ZSCAN32: variants seen among roughly 807,000 people sequenced by gnomAD.
The protein encoded by ZSCAN32 is zinc finger and SCAN domain-containing protein 32.
A neutral mutation model predicts 47.4 loss-of-function variants in ZSCAN32; 52 were observed. The observed-to-expected ratio is 1.10, with a 90% CI of 0.88 to 1.38. The LOEUF is 1.38. Among genes scored for constraint, ZSCAN32 ranks in the 40% most tolerant of loss-of-function variants. ZSCAN32 has a pLI of 0.00. For missense variants in ZSCAN32, 959 were observed against 846.0 expected, an observed-to-expected ratio of 1.13 and a Z score of -1.66; for synonymous variants, 346 against 305.7, an observed-to-expected ratio of 1.13 and a Z score of -1.38.
rs2033100507 is a variant in ZSCAN32, at chr16:3,393,792, A to C, written c.389T>G (p.Leu130Trp). 3.9e-6 allele frequency: 6 copies of C among 1,549,406 alleles called. No individual in the cohort carries two copies. In the South Asian group the frequency reaches 7.1e-5, roughly 18 times the overall value. ...GGCCATCTCCTTCATGAGTACTTTC[A>C]AGTCCTTCTCAGAATCTAGAACCTG... The part of the protein sequence containing the change: ...GQQVLDSEKD[L>W]KVLMKEMAPL... The change falls in exon 3 of 7, where the codon TTG (leucine) becomes TGG (tryptophan). Residue 130 changes from leucine to tryptophan, a missense_variant. By Grantham distance (61) the Leu-to-Trp change is moderately conservative (BLOSUM62 -2). Transcript: ENST00000396852.
rs1233990986 is a variant in ZSCAN32, at chr16:3,397,683, G to A, written c.-126C>T. 1 of 1,270,944 alleles carries A rather than the reference G, an allele frequency of 7.9e-7. No individual in the cohort carries two copies. Among genetic ancestry groups the A allele is most frequent in the Non-Finnish European group, 1.1e-6 (1 of 948,696 alleles). 78.7% of individuals were successfully genotyped at this position (1,270,944 alleles called of 1,614,324 possible). A position where few individuals can be genotyped will look rare whatever the true frequency, so the allele number is the denominator to read the frequency against. On this transcript the variant is annotated 5_prime_UTR_variant, in exon 2 of 7. Coordinates refer to ENST00000396852, the MANE Select transcript of ZSCAN32 (RefSeq NM_001284527.2). ...TGTCTTTCTGTAATCCGTGGGACAT[G>A]AGAGTGTCAGACATGTGTAGAGACT...
chr16:3,385,051 G>A, intron 5 of ZSCAN32, 110 bp from the exon 6 acceptor site: 1 of 1,329,888 alleles, frequency 7.5e-7, no homozygotes, highest in African/African-American at 1.5e-5. Context: ...TAGGCTGGAT[G>A]CGGTGGCTCA....
At chr16:3,390,157 C>G (rs1208981016) in intron 4 of ZSCAN32, 24 bp from the exon 5 acceptor site, 1 of 1,584,098 alleles carries the variant, frequency 6.3e-7, no homozygotes, top group Non-Finnish European at 8.6e-7. Context: ...GGAGCTGCTG[C>G]TACCGATAAA....
intron 3 of ZSCAN32, among the ~76,000 whole-genome samples, chr16:3,392,195 G>A (rs111875934): frequency 3.3e-5 from 5 of 152,272 alleles, no homozygotes; most frequent in African/African-American, 9.6e-5. Flanking sequence ...GTAAATCCAT[G>A]GAAACAGAAT....
In ZSCAN32 at chr16:3,382,611, T is replaced by G. The variant is rs2031350115; in HGVS notation, c.*241A>C. The G allele has an allele frequency of 7.4e-6, 3 of 405,990 alleles. No homozygotes were observed. The Admixed American group carries it at 1.3e-4, about 17-fold the overall frequency. The allele number at this position is 405,990 out of a possible 1,614,324, so 25.1% of individuals were successfully genotyped here. On this transcript the variant is annotated 3_prime_UTR_variant, in exon 7 of 7. Coordinates refer to ENST00000396852, the MANE Select transcript of ZSCAN32 (RefSeq NM_001284527.2). ...GACCCTGGTTTCCTGGTAGAATTTA[T>G]GGATCCTACAGCTTTCTCTCCATCA... is the stretch of plus-strand genomic sequence containing the variant.
rs2033097596 is a variant in ZSCAN32, at chr16:3,393,773, C to G, written c.408G>C (p.Glu136Asp). 2 of 1,550,096 alleles carry G rather than the reference C, an allele frequency of 1.3e-6. No individual in the cohort carries two copies. The highest frequency in any genetic ancestry group is 1.4e-5 in the African/African-American group (1 of 73,030). Residue 136 changes from glutamate (E) to aspartate (D), a missense_variant, in exon 3 of 7, where the codon GAG becomes GAC. By Grantham distance (45) the Glu-to-Asp change is conservative. Coordinates refer to ENST00000396852, the MANE Select transcript of ZSCAN32 (RefSeq NM_001284527.2). ...SEKDLKVLMK[E>D]MAPLGATRES... ...CTCTGGTTGCTCCCAAAGGGGCCAT[C>G]TCCTTCATGAGTACTTTCAAGTCCT...
At position 3,382,813 on chromosome 16, in the gene ZSCAN32, C is replaced by G. The variant is rs2031373195; in HGVS notation, c.*39G>C. The G allele has an allele frequency of 1.3e-6, 2 of 1,528,912 alleles. No homozygotes were observed. The highest frequency in any genetic ancestry group is 8.8e-7 in the Non-Finnish European group (1 of 1,137,406). 94.7% of individuals were successfully genotyped at this position (1,528,912 alleles called of 1,614,324 possible). A position where few individuals can be genotyped will look rare whatever the true frequency, so the allele number is the denominator to read the frequency against. On this transcript the variant is annotated 3_prime_UTR_variant, in exon 7 of 7. Transcript: ENST00000396852. Reference sequence around the variant, plus strand: ...CACAGCAGAAGAAAGCTCATACATGCTGACCTGAGGAACTTAATCTGACAG... The same window carrying G: ...CACAGCAGAAGAAAGCTCATACATGGTGACCTGAGGAACTTAATCTGACAG...
Position 3,390,028 on chromosome 16 carries a change from C to A in ZSCAN32, c.733G>T (p.Asp245Tyr), listed in dbSNP as rs748615093. The A allele has an allele frequency of 3.7e-6, 6 of 1,613,038 alleles. No individual in the cohort carries two copies. In the African/African-American group the frequency reaches 4.0e-5, roughly 11 times the overall value. ...TCCTTACCCAGCGAGACGTGACTGT[C>A]CTTCCTCTGGGTGGCACCCCTGTAG... ...ALYRGATQRKDSHVSLATGVP... is the reference protein window; with the variant it reads ...ALYRGATQRKYSHVSLATGVP... Residue 245 changes from aspartate to tyrosine, a missense_variant, in exon 5 of 7, where the codon GAC becomes TAC. Transcript: ENST00000396852.
intron 1 of ZSCAN32, among the ~76,000 whole-genome samples, chr16:3,399,036 C>T (rs1306477588): frequency 2.0e-5 from 3 of 152,116 alleles, no homozygotes; most frequent in Admixed American, 2.0e-4. Flanking sequence ...TCCTGGCTAA[C>T]AAGATGAAAC....
intron 3 of ZSCAN32, among the ~76,000 whole-genome samples, chr16:3,392,671 CA>C (rs2032857077): frequency 6.6e-6 from 1 of 151,822 alleles, no homozygotes; most frequent in Non-Finnish European, 1.5e-5. Context: ...ACTAAAAATT[CA>C]AAAAATTAGC....
At chr16:3,398,905 A>G (rs1179887209) in intron 1 of ZSCAN32, among the ~76,000 whole-genome samples, 5 of 152,204 alleles carry the variant, frequency 3.3e-5, no homozygotes, top group Non-Finnish European at 1.5e-5. Context: ...CACTTCTAGT[A>G]GCAGCATCTT....
chr16:3,392,226 G>A (rs1335196263), intron 3 of ZSCAN32, among the ~76,000 whole-genome samples: 6 of 152,176 alleles, frequency 3.9e-5, no homozygotes, highest in Admixed American at 6.5e-5. Flanking sequence ...TGTTTAATGG[G>A]TACAGGGTTT....
chr16:3,383,757 G>C, intron 6 of ZSCAN32, 46 bp from the exon 7 acceptor site: 1 of 1,521,194 alleles, frequency 6.6e-7, no homozygotes, highest in Non-Finnish European at 8.7e-7. Flanking sequence ...TATAGAGAAG[G>C]AAAACAATGG....
chr16:3,397,221 C>T lies in ZSCAN32; in HGVS notation c.337G>A (p.Glu113Lys), dbSNP rs1191992817. 1 of 1,554,142 alleles carries T rather than the reference C, an allele frequency of 6.4e-7. No homozygotes were observed. The highest frequency in any genetic ancestry group is 8.7e-7 in the Non-Finnish European group (1 of 1,149,084). The change falls in exon 2 of 7, where the codon GAG becomes AAG. Residue 113 changes from glutamate (E) to lysine (K), a missense_variant. Glu to Lys is a moderately conservative substitution (Grantham distance 56, BLOSUM62 1). Transcript: ENST00000396852. The stretch of plus-strand genomic sequence containing the variant: ...TGTCCAGGAGCTCTCTGTACATCCT[C>T]AACCAGAGCCACAGCTTCCTCGCCG... ...ENGEEAVALV[E>K]DVQRAPGQQV...
At position 3,384,818 on chromosome 16, in the gene ZSCAN32, TC is replaced by T; in HGVS notation, c.874del (p.Glu292LysfsTer24). ...CAGAAAACCCTGCTCCCAGAGTCCT[TC>T]CGCCATGGCCCTGTAGATCTGGCTG... is the stretch of plus-strand genomic sequence containing the variant. ...QNSQIYRAMA[E>X]GLWEQGFLRT... On this transcript the variant is annotated frameshift_variant, in exon 6 of 7. Coordinates refer to ENST00000396852, the MANE Select transcript of ZSCAN32 (RefSeq NM_001284527.2). LOFTEE classifies it high-confidence loss of function. The T allele has an allele frequency of 6.2e-7, 1 of 1,614,178 alleles. No homozygotes were observed. Among genetic ancestry groups the T allele is most frequent in the Non-Finnish European group, 8.5e-7 (1 of 1,180,008 alleles).
Position 3,383,932 on chromosome 16 carries a change from CTT to C in ZSCAN32, c.1235-223_1235-222del, listed in dbSNP as rs1596442503. The stretch of plus-strand genomic sequence containing the variant: ...CCCTAAACTCCAACTTTTCTCCTAT[CTT>C]TTTTCGGATGTTCTGACACAATGAC... On this transcript the variant is annotated intron_variant, in intron 6 of 6. Coordinates refer to ENST00000396852, the MANE Select transcript of ZSCAN32 (RefSeq NM_001284527.2). 11 of 552,272 alleles carry C rather than the reference CTT, an allele frequency of 2.0e-5. No individual in the cohort carries two copies. In the South Asian group the frequency reaches 3.0e-4, roughly 15 times the overall value. The allele number at this position is 552,272 out of a possible 1,614,324, so 34.2% of individuals were successfully genotyped here.
Position 3,390,023 on chromosome 16 carries a change from A to C in ZSCAN32, c.738T>G (p.Ser246Arg). The C allele has an allele frequency of 1.2e-6, 2 of 1,612,768 alleles. No homozygotes were observed. The highest frequency in any genetic ancestry group is 1.7e-6 in the Non-Finnish European group (2 of 1,179,448). Residue 246 changes from serine to arginine, a missense_variant, in exon 5 of 7, where the codon AGT becomes AGG. Physicochemically the swap from Ser to Arg is moderately radical, Grantham distance 110. Transcript: ENST00000396852. The stretch of plus-strand genomic sequence containing the variant: ...ATGGATCCTTACCCAGCGAGACGTG[A>C]CTGTCCTTCCTCTGGGTGGCACCCC... The part of the protein sequence containing the change: ...LYRGATQRKD[S>R]HVSLATGVPW...
intron 2 of ZSCAN32, among the ~76,000 whole-genome samples, chr16:3,395,072 G>A (rs1347541691): frequency 6.6e-6 from 1 of 152,210 alleles, no homozygotes; most frequent in Non-Finnish European, 1.5e-5. Flanking sequence ...CAGGCCAGGG[G>A]CCGTGCCTGT....
intron 5 of ZSCAN32, among the ~76,000 whole-genome samples, chr16:3,389,757 T>G (rs925121634): frequency 2.6e-5 from 4 of 152,172 alleles, no homozygotes; most frequent in African/African-American, 9.7e-5. Flanking sequence ...TGACTCTGTC[T>G]CACTAACATT....
Sources: allele counts gnomAD v4.1 joint callset (sites outside exome capture counted in the v4.1 genomes callset), GRCh38; gene constraint gnomAD v4.1.1; transcripts MANE v1.5; gene names NCBI Gene and HGNC (gene_info 2026-07-23, HGNC 2026-07-21).